Variants in IL2 observed in about 807,000 individuals in gnomAD.
IL2 encodes interleukin 2.
A neutral mutation model predicts 14.6 loss-of-function variants in IL2; 3 were observed. The observed-to-expected ratio is 0.21, with a 90% CI of 0.09 to 0.53. IL2 has a LOEUF of 0.53. Ranked by LOEUF, IL2 falls within the 20% of genes least tolerant of loss-of-function variation. The pLI is 0.95. For synonymous variants in IL2, 71 were observed against 60.0 expected, an observed-to-expected ratio of 1.18 and a Z score of -0.85; for missense variants, 125 against 170.8, an observed-to-expected ratio of 0.73 and a Z score of 1.50.
Position 122,451,619 on chromosome 4 carries a change from C to T in IL2, c.*133G>A. The stretch of plus-strand genomic sequence containing the variant: ...CTTACAAAAAGAATCATAAAAGATC[C>T]ATATTTATAGTTTTAAGATTAAGAA... On this transcript the variant is annotated 3_prime_UTR_variant, in exon 4 of 4. Coordinates refer to ENST00000226730, the MANE Select transcript of IL2 (RefSeq NM_000586.4). 1 of 390,170 alleles carries T rather than the reference C, an allele frequency of 2.6e-6. No homozygotes were observed. Among genetic ancestry groups the T allele is most frequent in the Non-Finnish European group, 4.6e-6 (1 of 215,868 alleles). 24.2% of individuals were successfully genotyped at this position (390,170 alleles called of 1,614,324 possible).
intron 2 of IL2, among the ~76,000 whole-genome samples, chr4:122,454,666 A>G (rs914230746): frequency 2.6e-5 from 4 of 151,902 alleles, no homozygotes; most frequent in Admixed American, 6.6e-5. Context: ...CCACATAAGT[A>G]GGTAGAGCCA....
At chr4:122,454,974 A>G (rs1009984714) in intron 2 of IL2, among the ~76,000 whole-genome samples, 1 of 151,730 alleles carries the variant, frequency 6.6e-6, no homozygotes, top group Non-Finnish European at 1.5e-5. Context: ...CAAATTCTAC[A>G]AATTCGGGTT....
At chr4:122,453,658 C>T (rs1797698555) in intron 3 of IL2, 52 bp downstream of exon 3, 2 of 1,434,178 alleles carry the variant, frequency 1.4e-6, no homozygotes, top group Non-Finnish European at 9.5e-7. Context: ...GGTACTTTTC[C>T]CCCTACTTTT....
chr4:122,455,697 A>G (rs1241256393), intron 2 of IL2, among the ~76,000 whole-genome samples: 1 of 151,948 alleles, frequency 6.6e-6, no homozygotes, highest in Non-Finnish European at 1.5e-5. Flanking sequence ...TTCACTTCAG[A>G]TATCTGGCCC....
intron 2 of IL2, among the ~76,000 whole-genome samples, chr4:122,455,317 G>A (rs1028623211): frequency 1.3e-5 from 2 of 151,726 alleles, no homozygotes; most frequent in African/African-American, 2.4e-5. Flanking sequence ...ATGTAGCCTA[G>A]GAGCTTGGAT....
chr4:122,456,619 T>C lies in IL2; in HGVS notation c.-179A>G. 2.0e-6 allele frequency: 1 copy of C among 511,682 alleles called. No individual in the cohort carries two copies. The highest frequency in any genetic ancestry group is 3.4e-6 in the Non-Finnish European group (1 of 291,778). The allele number at this position is 511,682 out of a possible 1,614,324, so 31.7% of individuals were successfully genotyped here. A position where few individuals can be genotyped will look rare whatever the true frequency, so the allele number is the denominator to read the frequency against. On this transcript the variant is annotated 5_prime_UTR_variant, in exon 1 of 4. Transcript: ENST00000226730. ...TGTCTGAAAAAACATTACCTTCATT[T>C]TTCCTCTTCTGATGACTCTTTGGAA... is the stretch of plus-strand genomic sequence containing the variant.
intron 3 of IL2, 24 bp downstream of exon 3, chr4:122,453,686 A>G: frequency 6.4e-7 from 1 of 1,553,218 alleles, no homozygotes; most frequent in South Asian, 1.2e-5. Flanking sequence ...TATTTCCAGG[A>G]GAGCAAATAA....
rs1474138320 is a variant in IL2 at position 122,451,813 on chromosome 4, A to G, written c.401T>C (p.Ile134Thr). 2 of 1,595,920 alleles carry G rather than the reference A, an allele frequency of 1.3e-6. No individual in the cohort carries two copies. Among genetic ancestry groups the G allele is most frequent in the Non-Finnish European group, 8.5e-7 (1 of 1,169,714 alleles). ...AATCCATCTGTTCAGAAATTCTACA[A>G]TGGTTGCTGTCTCATCAGCATATTC... ...MCEYADETAT[I>T]VEFLNRWITF... The change falls in exon 4 of 4, where the codon ATT becomes ACT. Residue 134 changes from isoleucine to threonine, a missense_variant. Transcript: ENST00000226730.
chr4:122,454,503 T>C (rs900332479), intron 2 of IL2, among the ~76,000 whole-genome samples: 3 of 151,752 alleles, frequency 2.0e-5, no homozygotes, highest in African/African-American at 7.2e-5. Flanking sequence ...TGATTCTATA[T>C]TATATATAAT....
Position 122,456,127 on chromosome 4 carries a change from T to TA in IL2, c.207+16dup. On this transcript the variant is annotated intron_variant, in intron 2 of 3. Transcript: ENST00000226730. ...ATTTTATTAAAACAGAAATTGAACA[T>TA]AAAATATTGTACTTACCTTCTTGGG... 6.4e-7 allele frequency: 1 copy of TA among 1,562,232 alleles called. No homozygotes were observed. Among genetic ancestry groups the TA allele is most frequent in the Admixed American group, 1.7e-5 (1 of 59,178 alleles).
intron 3 of IL2, 116 bp from the exon 4 acceptor site, chr4:122,451,978 T>A (rs2069772): frequency 5.0e-6 from 2 of 398,938 alleles, no homozygotes; most frequent in Non-Finnish European, 9.1e-6. Flanking sequence ...ACCAAACATA[T>A]TAATTATTCA....
intron 2 of IL2, among the ~76,000 whole-genome samples, chr4:122,455,664 C>T (rs1440221252): frequency 6.6e-6 from 1 of 151,864 alleles, no homozygotes; most frequent in East Asian, 1.9e-4. Flanking sequence ...ATCATGAAAG[C>T]TAGGACATGG....
rs186996789 is a variant in IL2 at position 122,455,704 on chromosome 4, G to T, written c.207+440C>A. 3.3e-5 allele frequency among the ~76,000 whole-genome samples: 5 copies of T among 151,928 alleles called. No individual in the cohort carries two copies. The East Asian group carries it at 7.7e-4, about 23-fold the overall frequency. ...GCTGAGATTTCACTTCAGATATCTG[G>T]CCCCAGACTCTGTGCTATTAGTGTT... is the stretch of plus-strand genomic sequence containing the variant. On this transcript the variant is annotated intron_variant, in intron 2 of 3. Coordinates refer to ENST00000226730, the MANE Select transcript of IL2 (RefSeq NM_000586.4).
In IL2 at chr4:122,451,790, T is replaced by C. The variant is rs1797678652; in HGVS notation, c.424A>G (p.Ile142Val). 3 of 1,588,350 alleles carry C rather than the reference T, an allele frequency of 1.9e-6. No individual in the cohort carries two copies. Among genetic ancestry groups the C allele is most frequent in the Middle Eastern group, 3.3e-4 (2 of 5,992 alleles). The change falls in exon 4 of 4, where the codon ATT (isoleucine) becomes GTT (valine). Residue 142 changes from isoleucine (I) to valine (V), a missense_variant. Transcript: ENST00000226730. ...GAGATGATGCTTTGACAAAAGGTAATCCATCTGTTCAGAAATTCTACAATG... is the reference window on the plus strand; with the variant it reads ...GAGATGATGCTTTGACAAAAGGTAACCCATCTGTTCAGAAATTCTACAATG... The part of the protein sequence containing the change: ...ATIVEFLNRW[I>V]TFCQSIISTL...
chr4:122,456,367 C>A lies in IL2; in HGVS notation c.74G>T (p.Ser25Ile), dbSNP rs758928770. 17 of 1,612,192 alleles carry A rather than the reference C, an allele frequency of 1.1e-5. No individual in the cohort carries two copies. Among genetic ancestry groups the A allele is most frequent in the Non-Finnish European group, 1.4e-5 (17 of 1,178,706 alleles). Residue 25 changes from serine (S) to isoleucine (I), a missense_variant, in exon 1 of 4, where the codon AGT (serine) becomes ATT (isoleucine). Physicochemically the swap from Ser to Ile is moderately radical, Grantham distance 142 (BLOSUM62 -2). Transcript: ENST00000226730. ...TTGTAGCTGTGTTTTCTTTGTAGAA[C>A]TTGAAGTAGGTGCACTGTTTGTGAC... ...ALVTNSAPTS[S>I]STKKTQLQLE...
rs1185689985 is a variant in IL2 at position 122,451,678 on chromosome 4, A to C, written c.*74T>G. On this transcript the variant is annotated 3_prime_UTR_variant, in exon 4 of 4. Coordinates refer to ENST00000226730, the MANE Select transcript of IL2 (RefSeq NM_000586.4). ...ACAATAGGTAGCAAACCATACATTC[A>C]ACAATAAATATAAAATTTAAATATT... 2.0e-6 allele frequency: 1 copy of C among 492,078 alleles called. No homozygotes were observed. Among genetic ancestry groups the C allele is most frequent in the Non-Finnish European group, 3.4e-6 (1 of 291,180 alleles). 30.5% of individuals were successfully genotyped at this position (492,078 alleles called of 1,614,324 possible). A position where few individuals can be genotyped will look rare whatever the true frequency, so the allele number is the denominator to read the frequency against.
chr4:122,456,260 G>A (rs1475746460), intron 1 of IL2, 34 bp downstream of exon 1: 2 of 1,584,792 alleles, frequency 1.3e-6, no homozygotes, highest in Middle Eastern at 3.3e-4. Flanking sequence ...ATTACTAAAT[G>A]TAATAATTTT....
intron 3 of IL2, among the ~76,000 whole-genome samples, chr4:122,452,119 A>C (rs1486350302): frequency 6.6e-6 from 1 of 152,104 alleles, no homozygotes; most frequent in Non-Finnish European, 1.5e-5. Context: ...TTTTTTCCCT[A>C]AATTGGGTGC....
chr4:122,456,293 C>T lies in IL2; in HGVS notation c.147+1G>A. 6.2e-7 allele frequency: 1 copy of T among 1,606,290 alleles called. No individual in the cohort carries two copies. ...TTTAGTAAGAAAGGAAATATACTTA[C>T]ATTAATTCCATTCAAAATCATCTGT... On this transcript the variant is annotated splice_donor_variant, in intron 1 of 3. Transcript: ENST00000226730. LOFTEE classifies it high-confidence loss of function.
Sources: allele counts gnomAD v4.1 joint callset (sites outside exome capture counted in the v4.1 genomes callset), GRCh38; gene constraint gnomAD v4.1.1; transcripts MANE v1.5; gene names NCBI Gene and HGNC (gene_info 2026-07-23, HGNC 2026-07-21).